EML6: variants seen among roughly 807,000 people sequenced by gnomAD.
EML6 encodes the protein EMAP like 6.
In EML6, 154 loss-of-function variants were observed where a neutral mutation model predicts 240.1. The observed-to-expected ratio is 0.64, with a 90% CI of 0.56 to 0.73. EML6 has a LOEUF of 0.73. Among genes scored for constraint, EML6 ranks in the 30% least tolerant of loss-of-function variants. The pLI, the probability that EML6 is intolerant of heterozygous loss-of-function variation, is 0.00. For missense variants in EML6, 2,964 were observed against 2,474.6 expected, an observed-to-expected ratio of 1.20 and a Z score of -4.20; for synonymous variants, 1,148 against 899.0, an observed-to-expected ratio of 1.28 and a Z score of -4.95.
chr2:54,747,771 C>T (rs1481657510), intron 2 of EML6, among the ~76,000 whole-genome samples: 1 of 151,978 alleles, frequency 6.6e-6, no homozygotes, highest in East Asian at 1.9e-4. Context: ...GTTATTTATC[C>T]TTAAGATATG....
Position 54,869,128 on chromosome 2 carries a change from C to T in EML6, c.2052-53C>T, listed in dbSNP as rs936254235. ...GCCTTGCCTCTGACACCTCCTGCTC[C>T]ATGCATTTGCTGTTTGTTCAACCAC... On this transcript the variant is annotated intron_variant, in intron 14 of 41. Coordinates refer to ENST00000356458, the MANE Select transcript of EML6 (RefSeq NM_001039753.4). 1.0e-5 allele frequency: 13 copies of T among 1,250,424 alleles called. No individual in the cohort carries two copies. The African/African-American group carries it at 1.8e-4, about 17-fold the overall frequency. The allele number at this position is 1,250,424 out of a possible 1,614,324, so 77.5% of individuals were successfully genotyped here.
intron 26 of EML6, among the ~76,000 whole-genome samples, chr2:54,925,409 G>A (rs542832694): frequency 5.3e-5 from 8 of 152,202 alleles, no homozygotes; most frequent in African/African-American, 9.6e-5. Context: ...CTATATTCTC[G>A]CATTGAGTTC....
intron 16 of EML6, among the ~76,000 whole-genome samples, chr2:54,877,550 G>C (rs1397222367): frequency 1.3e-5 from 2 of 152,114 alleles, no homozygotes; most frequent in Admixed American, 6.5e-5. Flanking sequence ...GAAACAACCA[G>C]ACCATATCAA....
At chr2:54,936,628 C>G (rs895310271) in intron 28 of EML6, among the ~76,000 whole-genome samples, 3 of 152,048 alleles carry the variant, frequency 2.0e-5, no homozygotes, top group African/African-American at 7.2e-5. Context: ...TCTCAATGCA[C>G]CTGAGTCAGC....
At chr2:54,846,363 TATTG>T in intron 8 of EML6, among the ~76,000 whole-genome samples, 1 of 152,088 alleles carries the variant, frequency 6.6e-6, no homozygotes, top group East Asian at 1.9e-4. Context: ...TATATAATTA[TATTG>T]ATTATGTATA....
At chr2:54,842,134 T>C (rs1051564705) in intron 7 of EML6, among the ~76,000 whole-genome samples, 2 of 152,176 alleles carry the variant, frequency 1.3e-5, no homozygotes, top group Non-Finnish European at 2.9e-5. Flanking sequence ...GTATATTCTG[T>C]GGGTTTTGAC....
intron 9 of EML6, among the ~76,000 whole-genome samples, chr2:54,848,347 C>T (rs1255669701): frequency 2.6e-5 from 4 of 152,158 alleles, no homozygotes; most frequent in Admixed American, 2.6e-4. Context: ...GAGAATTCTC[C>T]ATAGCTTTGA....
intron 2 of EML6, among the ~76,000 whole-genome samples, chr2:54,798,005 C>T (rs190456924): frequency 6.6e-6 from 1 of 152,002 alleles, no homozygotes; most frequent in African/African-American, 2.4e-5. Context: ...ATATAAGTGT[C>T]TGGATCAGTT....
At chr2:54,876,141 C>T (rs1325065099) in intron 16 of EML6, among the ~76,000 whole-genome samples, 1 of 152,110 alleles carries the variant, frequency 6.6e-6, no homozygotes, top group Non-Finnish European at 1.5e-5. Flanking sequence ...AAGGACATTA[C>T]CTAAGAGACT....
At chr2:54,887,185 T>G (rs1672194515) in intron 17 of EML6, among the ~76,000 whole-genome samples, 1 of 152,200 alleles carries the variant, frequency 6.6e-6, no homozygotes, top group African/African-American at 2.4e-5. Context: ...AGCATTGACC[T>G]GATCCTTTCA....
At chr2:54,965,388 G>T (rs996909656) in intron 38 of EML6, among the ~76,000 whole-genome samples, 2 of 152,236 alleles carry the variant, frequency 1.3e-5, no homozygotes, top group African/African-American at 4.8e-5. Context: ...GACAAAATGA[G>T]ACTGGTCCCG....
At position 54,797,576 on chromosome 2, in the gene EML6, AGT is replaced by A. The variant is rs1296432089; in HGVS notation, c.198-15652_198-15651del. On this transcript the variant is annotated intron_variant, in intron 2 of 41. Coordinates refer to ENST00000356458, the MANE Select transcript of EML6 (RefSeq NM_001039753.4). ...GTCATGTTTATATTGTAGTCTACTAAGTGTGCAATAGCATTATGCCTAACAAC... is the reference window on the plus strand; with the variant it reads ...GTCATGTTTATATTGTAGTCTACTAAGTGCAATAGCATTATGCCTAACAAC... Among the ~76,000 whole-genome samples, 5 of 152,246 alleles carry A rather than the reference AGT, an allele frequency of 3.3e-5. No homozygotes were observed. The East Asian group carries it at 5.8e-4, about 18-fold the overall frequency.
At chr2:54,760,206 CTT>C (rs937294686) in intron 2 of EML6, among the ~76,000 whole-genome samples, 6 of 139,050 alleles carry the variant, frequency 4.3e-5, no homozygotes, top group Admixed American at 7.2e-5. Context: ...AATAAGTTTT[CTT>C]TTTTTTTTTT....
chr2:54,965,714 C>A (rs1227782361), intron 38 of EML6, among the ~76,000 whole-genome samples: 1 of 152,200 alleles, frequency 6.6e-6, no homozygotes, highest in Non-Finnish European at 1.5e-5. Context: ...GTGTATTGAT[C>A]TGGGTGGGGC....
chr2:54,790,516 AC>A (rs1373336133), intron 2 of EML6, among the ~76,000 whole-genome samples: 1 of 152,068 alleles, frequency 6.6e-6, no homozygotes, highest in African/African-American at 2.4e-5. Flanking sequence ...TATTGTCACC[AC>A]CCATTTCACG....
At chr2:54,902,801 C>T (rs560419445) in intron 22 of EML6, among the ~76,000 whole-genome samples, 1 of 152,330 alleles carries the variant, frequency 6.6e-6, no homozygotes, top group South Asian at 2.1e-4. Flanking sequence ...TCTCGAACTC[C>T]TGGGCTCAAG....
At chr2:54,961,296 T>A (rs1454161432) in intron 35 of EML6, among the ~76,000 whole-genome samples, 7 of 150,476 alleles carry the variant, frequency 4.7e-5, no homozygotes, top group African/African-American at 1.7e-4. Flanking sequence ...GCGATTCTCC[T>A]GCCTCAGCCT....
intron 30 of EML6, among the ~76,000 whole-genome samples, chr2:54,951,610 C>G (rs1021858676): frequency 2.7e-5 from 4 of 150,448 alleles, no homozygotes; most frequent in African/African-American, 9.8e-5. Context: ...ACATTTCAAA[C>G]AAAAAGAACC....
chr2:54,968,200 G>A lies in EML6; in HGVS notation c.5670G>A (p.Val1890=). The change falls in exon 40 of 42, where the codon GTG becomes GTA. Residue 1890 remains valine (V), a synonymous_variant. Transcript: ENST00000356458. The part of the protein sequence containing the change: ...ADKADVNCAC[V]THAGLNIVTG... ...AGGCTGATGTCAACTGCGCATGTGT[G>A]ACCCACGCTGGCCTGAACATTGTCA... 4.5e-6 allele frequency: 7 copies of A among 1,551,768 alleles called. No homozygotes were observed. The highest frequency in any genetic ancestry group is 6.1e-6 in the Non-Finnish European group (7 of 1,146,998).
Sources: allele counts gnomAD v4.1 joint callset (sites outside exome capture counted in the v4.1 genomes callset), GRCh38; gene constraint gnomAD v4.1.1; transcripts MANE v1.5; gene names NCBI Gene and HGNC (gene_info 2026-07-23, HGNC 2026-07-21).